Variants in GCFC2 observed in about 807,000 individuals in gnomAD.
GCFC2 encodes the protein GC-rich sequence DNA-binding factor 2, also known as intron Large complex component GCFC2.
GCFC2 carries 102 observed loss-of-function variants against 99.4 expected under a neutral mutation model. That is an observed-to-expected ratio of 1.03 (90% CI 0.87 to 1.21). The LOEUF is 1.21. GCFC2 is among the 50% of genes most tolerant of loss of function. The pLI, the probability that GCFC2 is intolerant of heterozygous loss-of-function variation, is 0.00. For synonymous variants in GCFC2, 338 were observed against 316.8 expected, an observed-to-expected ratio of 1.07 and a Z score of -0.71; for missense variants, 973 against 920.9, an observed-to-expected ratio of 1.06 and a Z score of -0.73.
At position 75,689,094 on chromosome 2, in the gene GCFC2, T is replaced by A. The variant is rs1558741938; in HGVS notation, c.1471A>T (p.Ser491Cys). The A allele has an allele frequency of 5.6e-6, 9 of 1,597,442 alleles. No homozygotes were observed. Among genetic ancestry groups the A allele is most frequent in the Admixed American group, 1.7e-5 (1 of 59,412 alleles). Residue 491 changes from serine to cysteine, a missense_variant, in exon 10 of 17, where the codon AGT becomes TGT. Physicochemically the swap from Ser to Cys is moderately radical, Grantham distance 112. Coordinates refer to ENST00000321027, the MANE Select transcript of GCFC2 (RefSeq NM_003203.5). ...TTTAAAAGCTTTGGTATGCATAAACTAATGAAAGCTTCATAATAGGAGTCA... is the reference window on the plus strand; with the variant it reads ...TTTAAAAGCTTTGGTATGCATAAACAAATGAAAGCTTCATAATAGGAGTCA... ...FPDSYYEAFI[S>C]LCIPKLLNPL... is the part of the protein sequence containing the mutation.
At position 75,664,731 on chromosome 2, in the gene GCFC2, G is replaced by T; in HGVS notation, c.2281C>A (p.Gln761Lys). ...LILVKIKALN[Q>K]AESFIGEHHL... is the part of the protein sequence containing the mutation. Reference sequence around the variant, plus strand: ...TGCTCTCCTATGAAGGATTCTGCTTGATTCAAAGCTTTTATTTTCACCAAA... The same window carrying T: ...TGCTCTCCTATGAAGGATTCTGCTTTATTCAAAGCTTTTATTTTCACCAAA... Residue 761 changes from glutamine (Q) to lysine (K), a missense_variant, in exon 17 of 17, where the codon CAA (glutamine) becomes AAA (lysine). Physicochemically the swap from Gln to Lys is moderately conservative, Grantham distance 53. Transcript: ENST00000321027. 6.3e-7 allele frequency: 1 copy of T among 1,575,836 alleles called. No homozygotes were observed. Among genetic ancestry groups the T allele is most frequent in the South Asian group, 1.1e-5 (1 of 90,088 alleles).
intron 4 of GCFC2, among the ~76,000 whole-genome samples, chr2:75,696,952 A>AT (rs1239572161): frequency 3.9e-5 from 6 of 151,912 alleles, no homozygotes; most frequent in Admixed American, 3.3e-4. Context: ...TGCCTGGTGA[A>AT]TTTTTTTGTA....
intron 12 of GCFC2, among the ~76,000 whole-genome samples, chr2:75,678,581 C>G (rs1011478361): frequency 6.6e-6 from 1 of 152,180 alleles, no homozygotes; most frequent in Non-Finnish European, 1.5e-5. Flanking sequence ...TCCTGTCTCT[C>G]TCCTGAAGAC....
intron 1 of GCFC2, among the ~76,000 whole-genome samples, chr2:75,709,487 T>C (rs1406416694): frequency 6.6e-6 from 1 of 152,138 alleles, no homozygotes; most frequent in Non-Finnish European, 1.5e-5. Flanking sequence ...CTCACATATG[T>C]AATCTAAAAA....
In GCFC2 at chr2:75,664,711, T is replaced by C; in HGVS notation, c.2301A>G (p.Gly767=). 1 of 1,559,510 alleles carries C rather than the reference T, an allele frequency of 6.4e-7. No individual in the cohort carries two copies. The highest frequency in any genetic ancestry group is 8.8e-7 in the Non-Finnish European group (1 of 1,131,482). The change falls in exon 17 of 17, where the codon GGA becomes GGG. Residue 767 remains glycine, a synonymous_variant. Transcript: ENST00000321027. The stretch of plus-strand genomic sequence containing the variant: ...ATTTAAGATGGTCTAGGTGATGCTC[T>C]CCTATGAAGGATTCTGCTTGATTCA... The part of the protein sequence containing the change: ...KALNQAESFI[G]EHHLDHLKSL...
At chr2:75,706,502 A>G in intron 2 of GCFC2, 21 bp downstream of exon 2, 1 of 1,517,576 alleles carries the variant, frequency 6.6e-7, no homozygotes, top group Non-Finnish European at 9.0e-7. Context: ...ATTCTTAACC[A>G]AAATCATACA....
At chr2:75,686,917 A>C (rs1294833513) in intron 11 of GCFC2, among the ~76,000 whole-genome samples, 2 of 150,152 alleles carry the variant, frequency 1.3e-5, no homozygotes, top group Admixed American at 6.6e-5. Flanking sequence ...GCTAGTGGCA[A>C]ATGTGAGTGA....
At position 75,696,122 on chromosome 2, in the gene GCFC2, A is replaced by C. The variant is rs577160690; in HGVS notation, c.833+78T>G. The C allele has an allele frequency of 7.9e-6, 5 of 634,700 alleles. No homozygotes were observed. The South Asian group carries it at 9.9e-5, about 13-fold the overall frequency. The allele number at this position is 634,700 out of a possible 1,614,324, so 39.3% of individuals were successfully genotyped here. ...GTCTGTTTAATATCAGTACTTAATA[A>C]TCTAAAAGAATATAGTGTTATATCT... On this transcript the variant is annotated intron_variant, in intron 5 of 16. Transcript: ENST00000321027.
chr2:75,666,596 T>C (rs1678844707), intron 15 of GCFC2, among the ~76,000 whole-genome samples: 1 of 152,092 alleles, frequency 6.6e-6, no homozygotes. Flanking sequence ...TGTAGGTGCA[T>C]TCAATTTTTC....
chr2:75,676,771 G>A (rs1457949527), intron 12 of GCFC2, among the ~76,000 whole-genome samples: 21 of 152,066 alleles, frequency 1.4e-4, no homozygotes, highest in Admixed American at 1.4e-3. Flanking sequence ...ATTTTTAAAC[G>A]CATGGGTGGG....
intron 12 of GCFC2, among the ~76,000 whole-genome samples, chr2:75,677,448 C>A (rs1022151889): frequency 1.3e-5 from 2 of 152,146 alleles, no homozygotes; most frequent in African/African-American, 2.4e-5. Flanking sequence ...CTAGGGAATA[C>A]CTGACAATGT....
At chr2:75,693,389 G>A (rs1013503781) in intron 6 of GCFC2, among the ~76,000 whole-genome samples, 3 of 152,150 alleles carry the variant, frequency 2.0e-5, no homozygotes, top group Non-Finnish European at 4.4e-5. Context: ...GCATTGAGCT[G>A]AGATCGTGCT....
intron 2 of GCFC2, among the ~76,000 whole-genome samples, chr2:75,705,347 G>T (rs1158091834): frequency 6.6e-6 from 1 of 152,072 alleles, no homozygotes. Flanking sequence ...CTTATGGCCG[G>T]GCGTGGTGGC....
chr2:75,685,319 C>T (rs889327852), intron 11 of GCFC2, among the ~76,000 whole-genome samples: 6 of 152,184 alleles, frequency 3.9e-5, no homozygotes, highest in Non-Finnish European at 5.9e-5. Flanking sequence ...ACTTCTATCT[C>T]CAGTTTCTCT....
chr2:75,701,782 T>G, intron 3 of GCFC2: 1 of 794,152 alleles, frequency 1.3e-6, no homozygotes, highest in Non-Finnish European at 1.5e-6. Context: ...AAAACAGTCC[T>G]TTAAGGCTTA....
intron 4 of GCFC2, 67 bp from the exon 5 acceptor site, chr2:75,696,382 T>C (rs1428471583): frequency 5.4e-6 from 4 of 740,072 alleles, no homozygotes; most frequent in Non-Finnish European, 9.7e-6. Flanking sequence ...ATTAATAGCA[T>C]GTAAAGGGAC....
In GCFC2 at chr2:75,687,869, A is replaced by C; in HGVS notation, c.1648T>G (p.Leu550Val). Reference protein sequence around the residue: ...KKESSSDKKVLSAIINKTIIP... With the variant: ...KKESSSDKKVVSAIINKTIIP... ...ATTGTTTTGTTGATGATTGCAGACA[A>C]GACTTTTTTATCTGAACTACTTTCC... Residue 550 changes from leucine to valine, a missense_variant, in exon 11 of 17, where the codon TTG becomes GTG. Physicochemically the swap from Leu to Val is conservative, Grantham distance 32. Transcript: ENST00000321027. 6.2e-7 allele frequency: 1 copy of C among 1,606,568 alleles called. No individual in the cohort carries two copies. The highest frequency in any genetic ancestry group is 8.5e-7 in the Non-Finnish European group (1 of 1,176,106).
At chr2:75,688,483 T>A (rs1473060654) in intron 10 of GCFC2, among the ~76,000 whole-genome samples, 1 of 152,174 alleles carries the variant, frequency 6.6e-6, no homozygotes, top group East Asian at 1.9e-4. Flanking sequence ...TTTTAGTCAG[T>A]CAAATTCAGT....
At chr2:75,693,229 G>T (rs192723098) in intron 6 of GCFC2, among the ~76,000 whole-genome samples, 13 of 152,116 alleles carry the variant, frequency 8.5e-5, no homozygotes, top group African/African-American at 3.1e-4. Flanking sequence ...GCCTGAGCTC[G>T]GGAGTTCCAG....
Sources: allele counts gnomAD v4.1 joint callset (sites outside exome capture counted in the v4.1 genomes callset), GRCh38; gene constraint gnomAD v4.1.1; transcripts MANE v1.5; gene names NCBI Gene and HGNC (gene_info 2026-07-23, HGNC 2026-07-21).